Variants in GAB2 observed in about 807,000 individuals in gnomAD.
GAB2 encodes the protein GRB2-associated-binding protein 2.
In GAB2, 26 loss-of-function variants were observed where a neutral mutation model predicts 65.5. That is an observed-to-expected ratio of 0.40 (90% confidence interval 0.29 to 0.55). The LOEUF (loss-of-function observed/expected upper bound fraction) is 0.55. Ranked by LOEUF, GAB2 falls within the 20% of genes least tolerant of loss-of-function variation. The pLI is 0.53. For missense variants in GAB2, 884 were observed against 875.8 expected (o/e 1.01, Z -0.12); for synonymous variants, 321 against 329.6 (o/e 0.97, Z 0.28).
intron 2 of GAB2, among the ~76,000 whole-genome samples, chr11:78,274,633 CT>C (rs1866116995): frequency 1.3e-5 from 2 of 152,166 alleles, no homozygotes; most frequent in Admixed American, 1.3e-4. Flanking sequence ...CTAAGACATC[CT>C]TGTCCCCAGT....
At chr11:78,387,294 T>C (rs143379331) in intron 1 of GAB2, among the ~76,000 whole-genome samples, 16 of 152,358 alleles carry the variant, frequency 1.1e-4, no homozygotes, top group African/African-American at 3.4e-4. Flanking sequence ...ACATGATCCC[T>C]TGGGCTGTCA....
chr11:78,351,154 T>C (rs962535753), intron 1 of GAB2, among the ~76,000 whole-genome samples: 5 of 152,166 alleles, frequency 3.3e-5, no homozygotes, highest in Admixed American at 6.5e-5. Flanking sequence ...ACGACAGGAC[T>C]ACACTTCTGT....
At chr11:78,327,575 T>C (rs141856695) in intron 1 of GAB2, among the ~76,000 whole-genome samples, 8 of 152,202 alleles carry the variant, frequency 5.3e-5, no homozygotes, top group African/African-American at 1.4e-4. Context: ...CAACATACCA[T>C]TGAATGTTTC....
intron 1 of GAB2, among the ~76,000 whole-genome samples, chr11:78,396,161 TGTG>T (rs1179114360): frequency 2.6e-5 from 4 of 152,208 alleles, no homozygotes; most frequent in Non-Finnish European, 4.4e-5. Flanking sequence ...TTATAAATAA[TGTG>T]GTCATACCAA....
At chr11:78,267,857 C>CAAAAAAAAAAA (rs751533828) in intron 2 of GAB2, among the ~76,000 whole-genome samples, 4 of 32,800 alleles carry the variant, frequency 1.2e-4, no homozygotes, top group Admixed American at 3.5e-4. Context: ...GACTCCGTCT[C>CAAAAAAAAAAA]AAAAAAAAAA....
intron 1 of GAB2, among the ~76,000 whole-genome samples, chr11:78,412,379 C>T (rs1857141045): frequency 6.6e-6 from 1 of 151,998 alleles, no homozygotes; most frequent in Non-Finnish European, 1.5e-5. Context: ...GGATGAATCT[C>T]CAGAGAATTA....
In GAB2 at chr11:78,369,868, C is replaced by G. The variant is rs542098822; in HGVS notation, c.75+47778G>C. ...CCTAAAGGTTATCACCAGATGATGG[C>G]ATCTGGCGTGGGGTTTTTTGTTTGT... On this transcript the variant is annotated intron_variant, in intron 1 of 9. Transcript: ENST00000361507. 5.9e-5 allele frequency among the ~76,000 whole-genome samples: 9 copies of G among 152,326 alleles called. No individual in the cohort carries two copies. In the South Asian group the frequency reaches 1.9e-3, roughly 32 times the overall value.
intron 1 of GAB2, among the ~76,000 whole-genome samples, chr11:78,294,934 C>T (rs1365947326): frequency 6.6e-6 from 1 of 152,068 alleles, no homozygotes; most frequent in Non-Finnish European, 1.5e-5. Context: ...AAAGAGACTA[C>T]CATCAGAGTG....
chr11:78,291,499 T>C (rs1866672101), intron 1 of GAB2, among the ~76,000 whole-genome samples: 1 of 138,100 alleles, frequency 7.2e-6, no homozygotes, highest in African/African-American at 2.7e-5. Flanking sequence ...GATCAATAGA[T>C]GGACAAGAGA....
rs560822035 is a variant in GAB2 at position 78,402,371 on chromosome 11, ATTGT to A, written c.75+15271_75+15274del. On this transcript the variant is annotated intron_variant, in intron 1 of 9. Transcript: ENST00000361507. ...GAACTTGGGCACTTGGCACATACTAATTGTTTGATAAATTACTGAACTAAATTAT... is the reference window on the plus strand; with the variant it reads ...GAACTTGGGCACTTGGCACATACTAATTGATAAATTACTGAACTAAATTAT... Among the ~76,000 whole-genome samples the A allele has an allele frequency of 3.3e-3, 502 of 152,028 alleles. 1 individual carries two copies. The highest frequency in any genetic ancestry group is 0.011 in the African/African-American group (464 of 41,450).
intron 1 of GAB2, chr11:78,341,837 C>T (rs1856101908): frequency 1.0e-6 from 1 of 985,122 alleles, no homozygotes; most frequent in Admixed American, 6.1e-5. Context: ...TCAGTTACTC[C>T]TCTCTTCAGG....
intron 1 of GAB2, among the ~76,000 whole-genome samples, chr11:78,381,714 G>A (rs189131062): frequency 1.3e-4 from 20 of 151,778 alleles, no homozygotes; most frequent in African/African-American, 4.1e-4. Context: ...ATTTGACCCT[G>A]TGTTAAGCAC....
Position 78,215,899 on chromosome 11 carries a change from G to C in GAB2, c.*3373C>G, listed in dbSNP as rs994876210. ...GCTGGGCCGAGATGTCCCCATGGGA[G>C]AAGGGGCCAGAGGGAGGATGAGCTG... is the stretch of plus-strand genomic sequence containing the variant. On this transcript the variant is annotated 3_prime_UTR_variant, in exon 10 of 10. Coordinates refer to ENST00000361507, the MANE Select transcript of GAB2 (RefSeq NM_080491.3). The C allele has an allele frequency of 6.5e-6, 1 of 152,716 alleles. No homozygotes were observed. The highest frequency in any genetic ancestry group is 1.5e-5 in the Non-Finnish European group (1 of 68,070). 9.5% of individuals were successfully genotyped at this position (152,716 alleles called of 1,614,324 possible). A position where few individuals can be genotyped will look rare whatever the true frequency, so the allele number is the denominator to read the frequency against.
chr11:78,405,090 GA>G (rs1565187276), intron 1 of GAB2, among the ~76,000 whole-genome samples: 16 of 140,696 alleles, frequency 1.1e-4, no homozygotes, highest in African/African-American at 4.0e-4. Context: ...AAAAAACATG[GA>G]TTTTTTTTTT....
intron 1 of GAB2, among the ~76,000 whole-genome samples, chr11:78,302,122 T>C (rs966626605): frequency 2.0e-5 from 3 of 152,148 alleles, no homozygotes; most frequent in Non-Finnish European, 4.4e-5. Flanking sequence ...CTTCTAGACA[T>C]TGGCTTAGGA....
chr11:78,417,102 G>A (rs1402358555), intron 1 of GAB2, among the ~76,000 whole-genome samples: 1 of 152,208 alleles, frequency 6.6e-6, no homozygotes, highest in Non-Finnish European at 1.5e-5. Flanking sequence ...TACAAGGGCT[G>A]CACATGCCGC....
At chr11:78,396,283 G>C (rs888473993) in intron 1 of GAB2, among the ~76,000 whole-genome samples, 24 of 152,292 alleles carry the variant, frequency 1.6e-4, no homozygotes, top group Admixed American at 1.6e-3. Context: ...TCAAAGAAGT[G>C]CTATATTCAC....
intron 1 of GAB2, among the ~76,000 whole-genome samples, chr11:78,319,390 C>A (rs1478678697): frequency 6.6e-6 from 1 of 152,122 alleles, no homozygotes; most frequent in Non-Finnish European, 1.5e-5. Context: ...TCATTTCTGG[C>A]ATCTGACTTT....
At chr11:78,402,409 C>T (rs1384768567) in intron 1 of GAB2, among the ~76,000 whole-genome samples, 1 of 151,918 alleles carries the variant, frequency 6.6e-6, no homozygotes, top group African/African-American at 2.4e-5. Flanking sequence ...ATACTAAATA[C>T]ATTTTCATTT....
Sources: gnomAD v4.1 joint callset for allele counts (sites outside exome capture counted in the v4.1 genomes callset) on GRCh38, gnomAD v4.1.1 for gene constraint, MANE v1.5 for transcripts, NCBI Gene and HGNC (gene_info 2026-07-23, HGNC 2026-07-21) for gene names.